Variants in GATAD2B observed in about 807,000 individuals in gnomAD.
The protein encoded by GATAD2B is GATA zinc finger domain containing 2B.
In GATAD2B, 8 loss-of-function variants were observed where a neutral mutation model predicts 64.3. That is an observed-to-expected ratio of 0.12 (90% CI 0.07 to 0.22). The LOEUF (loss-of-function observed/expected upper bound fraction) is 0.22. Ranked by LOEUF, GATAD2B falls within the 10% of genes least tolerant of loss-of-function variation. GATAD2B has a pLI of 1.00. For synonymous variants in GATAD2B, 281 were observed against 271.3 expected (o/e 1.04, Z -0.35); for missense variants, 453 against 752.0 (o/e 0.60, Z 4.65).
At chr1:153,815,347 T>C (rs892400038) in intron 7 of GATAD2B, among the ~76,000 whole-genome samples, 1 of 146,242 alleles carries the variant, frequency 6.8e-6, no homozygotes, top group African/African-American at 2.5e-5. Context: ...GCAAGCATCA[T>C]GCTAGCCACC....
chr1:153,911,895 C>A (rs1363940825), intron 1 of GATAD2B, among the ~76,000 whole-genome samples: 1 of 152,170 alleles, frequency 6.6e-6, no homozygotes, highest in Non-Finnish European at 1.5e-5. Flanking sequence ...TTTATACCCT[C>A]AACACAACTG....
At chr1:153,861,847 T>C (rs545865407) in intron 1 of GATAD2B, among the ~76,000 whole-genome samples, 51 of 145,904 alleles carry the variant, frequency 3.5e-4, no homozygotes, top group Admixed American at 1.1e-3. Context: ...TATATGTATG[T>C]ACGTATATGT....
intron 1 of GATAD2B, among the ~76,000 whole-genome samples, chr1:153,897,384 A>T (rs2101956398): frequency 6.6e-6 from 1 of 152,306 alleles, no homozygotes; most frequent in Non-Finnish European, 1.5e-5. Context: ...AAAGTACTCA[A>T]ATCATCTGAT....
chr1:153,900,674 A>G (rs1392012737), intron 1 of GATAD2B, among the ~76,000 whole-genome samples: 6 of 152,136 alleles, frequency 3.9e-5, no homozygotes, highest in Non-Finnish European at 8.8e-5. Context: ...TGTGCCATCA[A>G]GCCAGGCCCA....
chr1:153,895,329 A>G (rs6427329), intron 1 of GATAD2B, among the ~76,000 whole-genome samples: 44,538 of 149,656 alleles, frequency 0.3, 6,779 homozygotes, highest in Admixed American at 0.39. Context: ...GCGAGACTCC[A>G]TCTCAAAAAA....
intron 1 of GATAD2B, among the ~76,000 whole-genome samples, chr1:153,869,710 T>TGGAA (rs1676598252): frequency 1.3e-5 from 2 of 152,316 alleles, no homozygotes; most frequent in South Asian, 2.1e-4. Flanking sequence ...TGCTAGGTGG[T>TGGAA]GTCACTACTT....
At chr1:153,884,223 G>C (rs1007540591) in intron 1 of GATAD2B, among the ~76,000 whole-genome samples, 1 of 152,124 alleles carries the variant, frequency 6.6e-6, no homozygotes, top group Non-Finnish European at 1.5e-5. Flanking sequence ...GGCAGATCAC[G>C]AGGTCAGGAG....
chr1:153,836,949 C>G (rs923865136), intron 1 of GATAD2B, among the ~76,000 whole-genome samples: 30 of 152,066 alleles, frequency 2.0e-4, no homozygotes, highest in African/African-American at 7.2e-4. Context: ...AACCAGAACC[C>G]AGATACCTGA....
At chr1:153,872,244 G>A (rs190607381) in intron 1 of GATAD2B, among the ~76,000 whole-genome samples, 94 of 149,990 alleles carry the variant, frequency 6.3e-4, no homozygotes, top group African/African-American at 2.2e-3. Context: ...ACTTGAACCC[G>A]GGAGGCAGAG....
intron 1 of GATAD2B, among the ~76,000 whole-genome samples, chr1:153,850,177 C>T (rs4436423): frequency 0.98 from 149,766 of 152,318 alleles, 73,683 homozygotes; most frequent in Middle Eastern, 1. Context: ...CATATGCTTC[C>T]GCTGGTTACC....
intron 1 of GATAD2B, among the ~76,000 whole-genome samples, chr1:153,877,272 G>C (rs1236634325): frequency 1.3e-5 from 2 of 152,142 alleles, no homozygotes; most frequent in East Asian, 3.8e-4. Flanking sequence ...GAGCCCAGGA[G>C]TTCAAGGCTG....
At chr1:153,824,257 G>A (rs560071408) in intron 2 of GATAD2B, among the ~76,000 whole-genome samples, 4 of 149,910 alleles carry the variant, frequency 2.7e-5, no homozygotes, top group South Asian at 2.1e-4. Flanking sequence ...GCCAATGTAC[G>A]TCAGCCTGGG....
intron 1 of GATAD2B, among the ~76,000 whole-genome samples, chr1:153,874,429 C>G (rs1051965443): frequency 8.5e-5 from 13 of 152,294 alleles, no homozygotes; most frequent in Non-Finnish European, 8.8e-5. Flanking sequence ...TCAAACGGTA[C>G]TTTCCTTCAC....
At chr1:153,887,021 C>G (rs571149326) in intron 1 of GATAD2B, among the ~76,000 whole-genome samples, 4 of 152,176 alleles carry the variant, frequency 2.6e-5, no homozygotes, top group Admixed American at 2.6e-4. Flanking sequence ...TGCTTTGAGT[C>G]GGTCCAGTCT....
intron 7 of GATAD2B, among the ~76,000 whole-genome samples, chr1:153,815,293 C>CAAAAAAAAAAAAAAAAAAAAAAA (rs71093285): frequency 7.2e-5 from 8 of 111,820 alleles, no homozygotes; most frequent in South Asian, 2.9e-4. Context: ...AAAAAAAAAA[C>CAAAAAAAAAAAAAAAAAAAAAAA]AAAAAAAAAA....
intron 1 of GATAD2B, among the ~76,000 whole-genome samples, chr1:153,917,107 A>AT (rs34045297): frequency 4.8e-5 from 7 of 145,886 alleles, no homozygotes; most frequent in Non-Finnish European, 9.0e-5. Context: ...CACCCGGCCT[A>AT]TTTTTTTTTG....
intron 1 of GATAD2B, among the ~76,000 whole-genome samples, chr1:153,869,204 A>C (rs1676580805): frequency 6.6e-6 from 1 of 151,610 alleles, no homozygotes; most frequent in South Asian, 2.1e-4. Flanking sequence ...AGCCGGAAGA[A>C]TCACTTGAAC....
intron 1 of GATAD2B, among the ~76,000 whole-genome samples, chr1:153,881,577 C>T (rs1213787348): frequency 1.3e-5 from 2 of 152,148 alleles, no homozygotes; most frequent in Non-Finnish European, 2.9e-5. Context: ...TAGCCAAAAA[C>T]TACTAGAAAG....
intron 2 of GATAD2B, among the ~76,000 whole-genome samples, chr1:153,825,069 C>T (rs1267573129): frequency 6.6e-6 from 1 of 151,984 alleles, no homozygotes; most frequent in Non-Finnish European, 1.5e-5. Flanking sequence ...GCCAGGGCAA[C>T]AGAGTGAGAC....
Sources: allele counts gnomAD v4.1 joint callset (sites outside exome capture counted in the v4.1 genomes callset), GRCh38; gene constraint gnomAD v4.1.1; transcripts MANE v1.5; gene names NCBI Gene and HGNC (gene_info 2026-07-23, HGNC 2026-07-21).